Variants in ITCH observed in about 807,000 individuals in gnomAD.
ITCH encodes the protein E3 ubiquitin-protein ligase Itchy homolog.
ITCH carries 28 observed loss-of-function variants against 126.8 expected under a neutral mutation model. The observed-to-expected ratio is 0.22, with a 90% CI of 0.16 to 0.30. The LOEUF (loss-of-function observed/expected upper bound fraction) is 0.30, where lower values mean the gene tolerates loss of function less well. Ranked by LOEUF, ITCH falls within the 10% of genes least tolerant of loss-of-function variation. The pLI, the probability that ITCH is intolerant of heterozygous loss-of-function variation, is 1.00. For synonymous variants in ITCH, 342 were observed against 340.0 expected (o/e 1.01, Z -0.06); for missense variants, 631 against 1,032.4 (o/e 0.61, Z 5.33).
intron 23 of ITCH, among the ~76,000 whole-genome samples, chr20:34,497,985 A>T (rs1171002188): frequency 6.6e-6 from 1 of 152,070 alleles, no homozygotes; most frequent in African/African-American, 2.4e-5. Flanking sequence ...ATGTCTTTAC[A>T]TTTTTTGTGT....
At chr20:34,448,332 A>G (rs1165057171) in intron 11 of ITCH, among the ~76,000 whole-genome samples, 2 of 151,930 alleles carry the variant, frequency 1.3e-5, no homozygotes, top group East Asian at 1.9e-4. Flanking sequence ...GCCGGAGGCT[A>G]CAGTGAGCCG....
At chr20:34,400,939 A>C (rs950032600) in intron 3 of ITCH, among the ~76,000 whole-genome samples, 1 of 152,060 alleles carries the variant, frequency 6.6e-6, no homozygotes, top group East Asian at 1.9e-4. Context: ...TTGTATTTTT[A>C]GTAGAGATGA....
At chr20:34,389,430 C>G (rs1240967689) in intron 2 of ITCH, among the ~76,000 whole-genome samples, 1 of 152,080 alleles carries the variant, frequency 6.6e-6, no homozygotes. Context: ...ATGCCATGCT[C>G]TCTGTGTGAG....
At chr20:34,438,390 C>T in intron 7 of ITCH, 84 bp from the exon 8 acceptor site, 3 of 1,450,268 alleles carry the variant, frequency 2.1e-6, no homozygotes, top group Non-Finnish European at 2.9e-6. Context: ...TAGAAGTTTT[C>T]ATCCTCCTGC....
chr20:34,372,384 C>CTTTTT (rs779017298), intron 2 of ITCH, among the ~76,000 whole-genome samples: 1 of 93,156 alleles, frequency 1.1e-5, no homozygotes, highest in African/African-American at 4.7e-5. Flanking sequence ...TTAAGTTCTA[C>CTTTTT]TTTTTTTTTT....
At chr20:34,365,637 G>A (rs2037394104) in intron 1 of ITCH, among the ~76,000 whole-genome samples, 2 of 152,068 alleles carry the variant, frequency 1.3e-5, no homozygotes, top group Admixed American at 6.6e-5. Flanking sequence ...GGCTGCTCTC[G>A]AACTCCTGAC....
chr20:34,508,115 G>T lies in ITCH; in HGVS notation c.*321G>T. The T allele has an allele frequency of 3.0e-6, 1 of 331,760 alleles. No homozygotes were observed. The highest frequency in any genetic ancestry group is 5.9e-6 in the Non-Finnish European group (1 of 170,558). The allele number at this position is 331,760 out of a possible 1,614,324, so 20.6% of individuals were successfully genotyped here. On this transcript the variant is annotated 3_prime_UTR_variant, in exon 25 of 25. Transcript: ENST00000374864. ...GTCAAAAGTCTCACTTGGGAGTAGTGTTTTTTTCTTTTAGACATTCTGCAG... is the reference window on the plus strand; with the variant it reads ...GTCAAAAGTCTCACTTGGGAGTAGTTTTTTTTTCTTTTAGACATTCTGCAG...
intron 3 of ITCH, among the ~76,000 whole-genome samples, chr20:34,399,804 A>C (rs1157690075): frequency 1.3e-5 from 2 of 152,024 alleles, no homozygotes; most frequent in Non-Finnish European, 2.9e-5. Flanking sequence ...TCGCACCCCT[A>C]CACTCCAGTG....
chr20:34,426,874 A>G (rs1439945208), intron 7 of ITCH, among the ~76,000 whole-genome samples: 3 of 152,006 alleles, frequency 2.0e-5, no homozygotes, highest in Non-Finnish European at 4.4e-5. Context: ...TCACAGGTTC[A>G]AGCAATTCTC....
intron 18 of ITCH, 115 bp from the exon 19 acceptor site, chr20:34,480,484 G>A: frequency 2.3e-6 from 3 of 1,278,958 alleles, no homozygotes; most frequent in South Asian, 1.2e-5. Context: ...TTACAGGCGT[G>A]AGCCACCATG....
At chr20:34,469,185 C>CA (rs1987379177) in intron 14 of ITCH, among the ~76,000 whole-genome samples, 2 of 152,074 alleles carry the variant, frequency 1.3e-5, no homozygotes, top group South Asian at 4.1e-4. Context: ...ATCAGGGTCA[C>CA]ACTCCAGGCT....
chr20:34,433,650 A>G (rs1333246801), intron 7 of ITCH, among the ~76,000 whole-genome samples: 1 of 126,660 alleles, frequency 7.9e-6, no homozygotes, highest in African/African-American at 3.0e-5. Context: ...GAGTGAAACA[A>G]TGTCTCAAAA....
intron 2 of ITCH, among the ~76,000 whole-genome samples, chr20:34,389,434 G>T (rs1278913699): frequency 1.3e-5 from 2 of 152,138 alleles, no homozygotes; most frequent in Non-Finnish European, 2.9e-5. Context: ...CATGCTCTCT[G>T]TGTGAGTAAC....
At chr20:34,443,503 CA>C (rs757432354) in intron 10 of ITCH, among the ~76,000 whole-genome samples, 1,743 of 138,344 alleles carry the variant, frequency 0.013, 19 homozygotes, top group Admixed American at 0.024. Flanking sequence ...AAGACTCCGT[CA>C]AAAAAAAAAA....
chr20:34,453,360 C>T (rs1055519092), intron 12 of ITCH, among the ~76,000 whole-genome samples: 2 of 152,166 alleles, frequency 1.3e-5, no homozygotes, highest in African/African-American at 4.8e-5. Flanking sequence ...GCCTGTAATC[C>T]CAGTACTTTG....
chr20:34,375,146 A>G (rs919686486), intron 2 of ITCH, among the ~76,000 whole-genome samples: 2 of 150,860 alleles, frequency 1.3e-5, no homozygotes, highest in African/African-American at 2.4e-5. Context: ...GGTTCAAGCA[A>G]TTCTCCTGCC....
At position 34,475,938 on chromosome 20, in the gene ITCH, C is replaced by T. The variant is rs919955092; in HGVS notation, c.1570-1834C>T. On this transcript the variant is annotated intron_variant, in intron 16 of 24. Transcript: ENST00000374864. ...TTTGTTCTAGTTCAGGAGGTCTTGCCCACATCAATGGATTGTCTGGCATCA... is the reference window on the plus strand; with the variant it reads ...TTTGTTCTAGTTCAGGAGGTCTTGCTCACATCAATGGATTGTCTGGCATCA... The T allele has an allele frequency of 2.1e-6, 3 of 1,403,576 alleles. No homozygotes were observed. The Admixed American group carries it at 5.0e-5, about 23-fold the overall frequency. 86.9% of individuals were successfully genotyped at this position (1,403,576 alleles called of 1,614,324 possible).
chr20:34,474,619 C>G (rs1350052766), intron 16 of ITCH, among the ~76,000 whole-genome samples: 2 of 152,340 alleles, frequency 1.3e-5, no homozygotes, highest in South Asian at 2.1e-4. Flanking sequence ...CACCCTTCCC[C>G]GCTTTCTATT....
chr20:34,449,681 A>G (rs575682131), intron 12 of ITCH, among the ~76,000 whole-genome samples: 3 of 152,216 alleles, frequency 2.0e-5, no homozygotes, highest in African/African-American at 7.2e-5. Context: ...ACTCTTTATA[A>G]ACTTTTATTG....
Sources: allele counts gnomAD v4.1 joint callset (sites outside exome capture counted in the v4.1 genomes callset), GRCh38; gene constraint gnomAD v4.1.1; transcripts MANE v1.5; gene names NCBI Gene and HGNC (gene_info 2026-07-23, HGNC 2026-07-21).